Variants in SRRM4 observed in about 807,000 individuals in gnomAD.
The protein encoded by SRRM4 is serine/arginine repetitive matrix protein 4.
Under a neutral mutation model 68.9 loss-of-function variants are expected in SRRM4, and 33 were observed. The observed-to-expected ratio is 0.48, with a 90% CI of 0.36 to 0.64. The LOEUF (loss-of-function observed/expected upper bound fraction) is 0.64, where lower values mean the gene tolerates loss of function less well. SRRM4 is among the 30% of genes least tolerant of loss of function. The pLI is 0.00. For synonymous variants in SRRM4, 318 were observed against 318.8 expected, an observed-to-expected ratio of 1.00 and a Z score of 0.03; for missense variants, 817 against 827.1, an observed-to-expected ratio of 0.99 and a Z score of 0.15.
intron 1 of SRRM4, among the ~76,000 whole-genome samples, chr12:119,058,005 T>C (rs1953787778): frequency 6.6e-6 from 1 of 152,166 alleles, no homozygotes; most frequent in Non-Finnish European, 1.5e-5. Flanking sequence ...CTGGGCTGAT[T>C]CTTGACCTAC....
At position 119,072,464 on chromosome 12, in the gene SRRM4, T is replaced by C. The variant is rs115844509; in HGVS notation, c.132-29772T>C. ...AAAGGGAGCAGGGAGGGAAGATCTATTTTTTTCCCCAGGCTGTTGGGGAAG... is the reference window on the plus strand; with the variant it reads ...AAAGGGAGCAGGGAGGGAAGATCTACTTTTTTCCCCAGGCTGTTGGGGAAG... On this transcript the variant is annotated intron_variant, in intron 1 of 12. Coordinates refer to ENST00000267260, the MANE Select transcript of SRRM4 (RefSeq NM_194286.4). 4.7e-3 allele frequency among the ~76,000 whole-genome samples: 708 copies of C among 152,196 alleles called. 5 individuals are homozygous for C. The highest frequency in any genetic ancestry group is 0.016 in the African/African-American group (678 of 41,510).
intron 8 of SRRM4, among the ~76,000 whole-genome samples, chr12:119,136,973 C>T (rs1565916965): frequency 1.3e-5 from 2 of 152,146 alleles, no homozygotes; most frequent in Admixed American, 6.5e-5. Flanking sequence ...CTTTCTCCAT[C>T]TCCTCCTCCT....
At chr12:119,060,598 T>C (rs780491997) in intron 1 of SRRM4, among the ~76,000 whole-genome samples, 4 of 151,712 alleles carry the variant, frequency 2.6e-5, no homozygotes, top group Non-Finnish European at 4.4e-5. Flanking sequence ...GTTTGTGTAT[T>C]ATCTGTAATT....
intron 1 of SRRM4, among the ~76,000 whole-genome samples, chr12:118,986,260 C>T (rs141865042): frequency 3.3e-5 from 5 of 152,270 alleles, no homozygotes; most frequent in East Asian, 3.9e-4. Flanking sequence ...AGAGCCAATG[C>T]GCTGAGGGTC....
chr12:119,122,801 G>A (rs918371767), intron 6 of SRRM4, among the ~76,000 whole-genome samples: 5 of 152,140 alleles, frequency 3.3e-5, no homozygotes, highest in African/African-American at 1.2e-4. Context: ...GTGGTCATGG[G>A]GGTGTGAGCA....
chr12:119,086,769 G>A (rs1035149283), intron 1 of SRRM4, among the ~76,000 whole-genome samples: 2 of 152,182 alleles, frequency 1.3e-5, no homozygotes, highest in African/African-American at 2.4e-5. Context: ...TGATCCCTAA[G>A]GGCAACGAAT....
chr12:119,132,370 A>T (rs1340389092), intron 8 of SRRM4: 1 of 152,194 alleles, frequency 6.6e-6, no homozygotes, highest in Non-Finnish European at 1.5e-5. Flanking sequence ...GGTAAAGATA[A>T]ATTTGAAATA....
intron 1 of SRRM4, among the ~76,000 whole-genome samples, chr12:119,095,786 A>G (rs1954040450): frequency 6.6e-6 from 1 of 151,624 alleles, no homozygotes; most frequent in Non-Finnish European, 1.5e-5. Flanking sequence ...TATTTTCAAA[A>G]TGTTTTCTAC....
intron 1 of SRRM4, among the ~76,000 whole-genome samples, chr12:119,095,164 C>T (rs543057805): frequency 1.3e-5 from 2 of 152,278 alleles, no homozygotes; most frequent in South Asian, 4.1e-4. Flanking sequence ...AGTCGGAATG[C>T]CAAGACCTCA....
At chr12:119,069,099 CTTGAAGGAAGTTCAAGG>C (rs1953862524) in intron 1 of SRRM4, among the ~76,000 whole-genome samples, 1 of 152,024 alleles carries the variant, frequency 6.6e-6, no homozygotes, top group African/African-American at 2.4e-5. Context: ...GGGAGATATC[CTTGAAGGAAGTTCAAGG>C]TAAGGCAAAA....
rs985958433 is a variant in SRRM4, at chr12:119,009,260, A to G, written c.131+27247A>G. On this transcript the variant is annotated intron_variant, in intron 1 of 12. Coordinates refer to ENST00000267260, the MANE Select transcript of SRRM4 (RefSeq NM_194286.4). Reference sequence around the variant, plus strand: ...GGGCAGACCCCGGGGACTGGACGAGATCGGGAAGAGGGAGGAGAGTAGGGG... The same window carrying G: ...GGGCAGACCCCGGGGACTGGACGAGGTCGGGAAGAGGGAGGAGAGTAGGGG... 2.6e-5 allele frequency among the ~76,000 whole-genome samples: 4 copies of G among 152,190 alleles called. No homozygotes were observed. The East Asian group carries it at 7.8e-4, about 30-fold the overall frequency.
intron 1 of SRRM4, among the ~76,000 whole-genome samples, chr12:119,077,121 G>A (rs1365975128): frequency 6.6e-6 from 1 of 152,142 alleles, no homozygotes; most frequent in Non-Finnish European, 1.5e-5. Flanking sequence ...AATCAGTTGA[G>A]TGATAAAGTC....
At chr12:119,122,408 C>T (rs940349029) in intron 6 of SRRM4, among the ~76,000 whole-genome samples, 10 of 151,688 alleles carry the variant, frequency 6.6e-5, no homozygotes, top group East Asian at 1.9e-4. Context: ...TGCACCGGGT[C>T]GTGTGTATAT....
intron 1 of SRRM4, among the ~76,000 whole-genome samples, chr12:119,038,223 G>C (rs1374545537): frequency 1.6e-5 from 1 of 64,498 alleles, no homozygotes; most frequent in Non-Finnish European, 3.5e-5. Flanking sequence ...TTTTTTTTTT[G>C]AGACAGAGTC....
At chr12:119,142,347 T>G (rs1173309256) in intron 8 of SRRM4, among the ~76,000 whole-genome samples, 1 of 152,244 alleles carries the variant, frequency 6.6e-6, no homozygotes, top group Non-Finnish European at 1.5e-5. Context: ...TGTAGATTTC[T>G]CAGTTCTGAC....
Position 119,112,424 on chromosome 12 carries a change from A to T in SRRM4, c.279-1854A>T, listed in dbSNP as rs1297995426. Among the ~76,000 whole-genome samples, 7 of 152,222 alleles carry T rather than the reference A, an allele frequency of 4.6e-5. No individual in the cohort carries two copies. The East Asian group carries it at 1.3e-3, about 29-fold the overall frequency. On this transcript the variant is annotated intron_variant, in intron 2 of 12. Coordinates refer to ENST00000267260, the MANE Select transcript of SRRM4 (RefSeq NM_194286.4). ...GACCTAGAACCAGAAATACCATTTG[A>T]CCCAGCAATCCCATTACTGGGTATA...
chr12:119,064,760 A>G (rs1471988704), intron 1 of SRRM4, among the ~76,000 whole-genome samples: 3 of 152,134 alleles, frequency 2.0e-5, no homozygotes, highest in African/African-American at 7.2e-5. Flanking sequence ...TACTGATAAG[A>G]GCTTCTCCTC....
rs994326293 is a variant in SRRM4, at chr12:119,027,754, T to C, written c.131+45741T>C. ...AACAACAGAGTATTTATTATTATGA[T>C]CCCTGTCTCCATATTACAGGTATGT... On this transcript the variant is annotated intron_variant, in intron 1 of 12. Coordinates refer to ENST00000267260, the MANE Select transcript of SRRM4 (RefSeq NM_194286.4). Among the ~76,000 whole-genome samples the C allele has an allele frequency of 3.3e-5, 5 of 152,228 alleles. No individual in the cohort carries two copies. The East Asian group carries it at 9.6e-4, about 29-fold the overall frequency.
At chr12:119,006,682 T>C (rs1480635026) in intron 1 of SRRM4, among the ~76,000 whole-genome samples, 1 of 152,230 alleles carries the variant, frequency 6.6e-6, no homozygotes, top group Non-Finnish European at 1.5e-5. Flanking sequence ...CAAGGAGAAT[T>C]TGTGTCCTTG....
Sources: gnomAD v4.1 joint callset for allele counts (sites outside exome capture counted in the v4.1 genomes callset) on GRCh38, gnomAD v4.1.1 for gene constraint, MANE v1.5 for transcripts, NCBI Gene and HGNC (gene_info 2026-07-23, HGNC 2026-07-21) for gene names.